The following HDAC9 variants were observed in gnomAD, a reference collection of about 807,000 sequenced individuals.
The protein encoded by HDAC9 is MEF-2 interacting transcription repressor (MITR) protein.
A neutral mutation model predicts 139.4 loss-of-function variants in HDAC9; 41 were observed. The ratio of observed to expected loss-of-function variants is 0.29; its 90% CI spans 0.23 to 0.38. HDAC9 has a LOEUF of 0.38. Among genes scored for constraint, HDAC9 ranks in the 10% least tolerant of loss-of-function variants. The pLI is 1.00. For synonymous variants in HDAC9, 517 were observed against 476.2 expected (o/e 1.09, Z -1.12); for missense variants, 1,147 against 1,297.0 (o/e 0.88, Z 1.78).
At chr7:18,358,205 AAAC>A (rs1032237084) in intron 1 of HDAC9, among the ~76,000 whole-genome samples, 4 of 152,184 alleles carry the variant, frequency 2.6e-5, no homozygotes, top group South Asian at 2.1e-4. Context: ...AAGCAAAACA[AAAC>A]AACAACAAAG....
chr7:18,126,772 T>A (rs2128098525), intron 1 of HDAC9, among the ~76,000 whole-genome samples: 1 of 152,304 alleles, frequency 6.6e-6, no homozygotes. Context: ...GCTGTCAATT[T>A]GCTCTAAACA....
chr7:18,597,442 C>A (rs1832809235), intron 6 of HDAC9, among the ~76,000 whole-genome samples: 1 of 152,058 alleles, frequency 6.6e-6, no homozygotes, highest in South Asian at 2.1e-4. Flanking sequence ...AAAATAGTAT[C>A]ATTGCTGTAG....
intron 2 of HDAC9, among the ~76,000 whole-genome samples, chr7:18,268,322 G>C (rs922314379): frequency 6.6e-6 from 1 of 151,932 alleles, no homozygotes; most frequent in Non-Finnish European, 1.5e-5. Context: ...TTTCTTTGAT[G>C]GCTATATCTT....
intron 1 of HDAC9, among the ~76,000 whole-genome samples, chr7:18,302,115 A>G (rs1379658546): frequency 6.6e-6 from 1 of 152,232 alleles, no homozygotes; most frequent in Admixed American, 6.5e-5. Flanking sequence ...GAAGAGTTTA[A>G]GGGTGCAAGT....
intron 13 of HDAC9, among the ~76,000 whole-genome samples, chr7:18,731,735 C>G (rs1786066823): frequency 6.6e-6 from 1 of 152,140 alleles, no homozygotes; most frequent in African/African-American, 2.4e-5. Flanking sequence ...AAGTGATTCT[C>G]CTGCCTCAGC....
chr7:18,527,430 T>C (rs1405835523), intron 2 of HDAC9, among the ~76,000 whole-genome samples: 2 of 152,192 alleles, frequency 1.3e-5, no homozygotes, highest in African/African-American at 4.8e-5. Context: ...AGAAAATTAC[T>C]GAGGGTGTCT....
intron 1 of HDAC9, among the ~76,000 whole-genome samples, chr7:18,377,993 C>T (rs1785125530): frequency 6.6e-6 from 1 of 152,052 alleles, no homozygotes; most frequent in Admixed American, 6.5e-5. Flanking sequence ...TCTCAGATTC[C>T]CCAGTAGATG....
rs572498917 is a variant in HDAC9 at position 18,098,733 on chromosome 7, T to C, written c.-97+11520T>C. Among the ~76,000 whole-genome samples, 217 of 152,358 alleles carry C rather than the reference T, an allele frequency of 1.4e-3. 1 individual carries two copies. The highest frequency in any genetic ancestry group is 0.01 in the South Asian group (50 of 4,830). ...ATCTCCTCTTTATTCCTTCTATTTCTACTTTCAGTCCAGCACACAGCTGCT... is the reference window on the plus strand; with the variant it reads ...ATCTCCTCTTTATTCCTTCTATTTCCACTTTCAGTCCAGCACACAGCTGCT... On this transcript the variant is annotated intron_variant, in intron 1 of 12. Coordinates refer to the HDAC9 transcript ENST00000417496.
chr7:18,568,265 C>T (rs1823125953), intron 2 of HDAC9, among the ~76,000 whole-genome samples: 1 of 151,894 alleles, frequency 6.6e-6, no homozygotes, highest in Admixed American at 6.6e-5. Context: ...CAGGATCTTT[C>T]ATTAGGACCA....
At chr7:18,306,691 TATTCATGCTGGCA>T (rs1316624493) in intron 1 of HDAC9, among the ~76,000 whole-genome samples, 1 of 152,200 alleles carries the variant, frequency 6.6e-6, no homozygotes, top group African/African-American at 2.4e-5. Flanking sequence ...TTTGGATGGA[TATTCATGCTGGCA>T]GGATTAAGTC....
chr7:18,388,726 G>A (rs2128721097), intron 1 of HDAC9, among the ~76,000 whole-genome samples: 1 of 152,256 alleles, frequency 6.6e-6, no homozygotes, highest in Non-Finnish European at 1.5e-5. Flanking sequence ...ACAGACTGGG[G>A]GAATTGGTGG....
intron 2 of HDAC9, among the ~76,000 whole-genome samples, chr7:18,552,801 A>C (rs1158821700): frequency 6.6e-6 from 1 of 152,204 alleles, no homozygotes; most frequent in Admixed American, 6.5e-5. Context: ...GAGAAATTCA[A>C]CACTGACTCT....
intron 1 of HDAC9, among the ~76,000 whole-genome samples, chr7:18,101,349 C>G (rs1379927648): frequency 6.6e-6 from 1 of 152,198 alleles, no homozygotes; most frequent in Non-Finnish European, 1.5e-5. Context: ...TTTCCCATTT[C>G]TTAGGGTTCA....
At chr7:18,935,367 A>G (rs1023887646) in intron 22 of HDAC9, among the ~76,000 whole-genome samples, 1 of 152,226 alleles carries the variant, frequency 6.6e-6, no homozygotes, top group African/African-American at 2.4e-5. Flanking sequence ...ATTATATTAG[A>G]TAATGTAAAT....
chr7:18,095,894 C>A lies in HDAC9; in HGVS notation c.-97+8681C>A, dbSNP rs73681710. 6.3e-3 allele frequency among the ~76,000 whole-genome samples: 953 copies of A among 152,198 alleles called. 13 individuals are homozygous for A. Among genetic ancestry groups the A allele is most frequent in the African/African-American group, 0.022 (902 of 41,530 alleles). On this transcript the variant is annotated intron_variant, in intron 1 of 12. Coordinates refer to the HDAC9 transcript ENST00000417496. Reference sequence around the variant, plus strand: ...GATTCTGTTTTTCTTTAATCTATTTCTATGTTTTATATCAATATAGATACA... The same window carrying A: ...GATTCTGTTTTTCTTTAATCTATTTATATGTTTTATATCAATATAGATACA...
chr7:18,296,274 T>C (rs950709767), intron 1 of HDAC9, among the ~76,000 whole-genome samples: 2 of 152,216 alleles, frequency 1.3e-5, no homozygotes, highest in Non-Finnish European at 2.9e-5. Flanking sequence ...TTAGTTCCTA[T>C]GCTGAAGTGC....
At chr7:18,978,626 A>G (rs1784701603) in intron 25 of HDAC9, among the ~76,000 whole-genome samples, 1 of 152,218 alleles carries the variant, frequency 6.6e-6, no homozygotes, top group Non-Finnish European at 1.5e-5. Context: ...GATCCAAGTT[A>G]TATAGTCAAA....
chr7:18,968,102 C>T (rs1050837873), intron 24 of HDAC9, among the ~76,000 whole-genome samples: 2 of 152,174 alleles, frequency 1.3e-5, no homozygotes, highest in Non-Finnish European at 2.9e-5. Flanking sequence ...GCGGAGGATG[C>T]AGAGAGCCGA....
At chr7:18,977,584 A>C (rs1784623826) in intron 25 of HDAC9, among the ~76,000 whole-genome samples, 2 of 152,180 alleles carry the variant, frequency 1.3e-5, no homozygotes, top group Non-Finnish European at 2.9e-5. Flanking sequence ...TGCTTGACTC[A>C]TGGTAGTCTA....
Sources: gnomAD v4.1 joint callset for allele counts (sites outside exome capture counted in the v4.1 genomes callset) on GRCh38, gnomAD v4.1.1 for gene constraint, MANE v1.5 for transcripts, NCBI Gene and HGNC (gene_info 2026-07-23, HGNC 2026-07-21) for gene names.